The following SAXO1 variants were observed in gnomAD, a reference collection of about 807,000 sequenced individuals.
SAXO1 encodes stabilizer of axonemal microtubules 1.
A neutral mutation model predicts 17.5 loss-of-function variants in SAXO1; 21 were observed. That is an observed-to-expected ratio of 1.20 (90% CI 0.85 to 1.72). The LOEUF is 1.72. Ranked by LOEUF, SAXO1 falls within the 40% of genes most tolerant of loss-of-function variation. The probability of loss-of-function intolerance (pLI) is 0.00; values close to 1 mark genes in which losing one functional copy is unlikely to be tolerated. For synonymous variants in SAXO1, 274 were observed against 216.5 expected (o/e 1.27, Z -2.33); for missense variants, 843 against 596.0 (o/e 1.41, Z -4.32).
chr9:18,930,224 G>A (rs1571228), intron 3 of SAXO1, among the ~76,000 whole-genome samples: 126,133 of 152,196 alleles, frequency 0.83, 52,357 homozygotes, highest in Middle Eastern at 0.89. Context: ...TGAAGAATGA[G>A]AAGAACTGGC....
intron 3 of SAXO1, among the ~76,000 whole-genome samples, chr9:18,935,392 A>G (rs952777455): frequency 5.3e-5 from 8 of 152,144 alleles, no homozygotes; most frequent in African/African-American, 1.7e-4. Flanking sequence ...TTTACTTCCT[A>G]TTGGGCTTTC....
intron 1 of SAXO1, chr9:19,027,253 T>A: frequency 9.6e-7 from 1 of 1,039,294 alleles, no homozygotes; most frequent in South Asian, 1.3e-5. Context: ...CTACCTGTGA[T>A]TGGATTGGTG....
chr9:19,000,248 C>CTG (rs1834203240), intron 1 of SAXO1, among the ~76,000 whole-genome samples: 1 of 151,112 alleles, frequency 6.6e-6, no homozygotes, highest in African/African-American at 2.4e-5. Flanking sequence ...CTCTGCCCGG[C>CTG]CACCCAACTG....
At chr9:19,011,438 T>A (rs1834727581) in intron 1 of SAXO1, among the ~76,000 whole-genome samples, 1 of 152,196 alleles carries the variant, frequency 6.6e-6, no homozygotes, top group African/African-American at 2.4e-5. Context: ...ACACGCCCGA[T>A]GCACATGCAG....
intron 3 of SAXO1, among the ~76,000 whole-genome samples, chr9:18,931,022 G>T (rs1348918617): frequency 6.6e-6 from 1 of 152,208 alleles, no homozygotes; most frequent in Admixed American, 6.5e-5. Flanking sequence ...ATTTGTAACA[G>T]TTTTATTGAA....
Position 19,032,857 on chromosome 9 carries a change from C to A in SAXO1, c.38+14G>T. 6.2e-7 allele frequency: 1 copy of A among 1,609,512 alleles called. No individual in the cohort carries two copies. The highest frequency in any genetic ancestry group is 8.5e-7 in the Non-Finnish European group (1 of 1,179,458). On this transcript the variant is annotated intron_variant, in intron 1 of 3. Coordinates refer to ENST00000380534, the MANE Select transcript of SAXO1 (RefSeq NM_153707.4). ...CAGGCTCCCCCAGCCTTGCCCTGGG[C>A]GTGGCCACCTTACCCGCAGGAGCAC... is the stretch of plus-strand genomic sequence containing the variant.
Position 18,950,804 on chromosome 9 carries a change from C to A in SAXO1, c.172G>T (p.Glu58Ter). The A allele has an allele frequency of 1.2e-6, 2 of 1,613,734 alleles. No individual in the cohort carries two copies. Among genetic ancestry groups the A allele is most frequent in the Non-Finnish European group, 1.7e-6 (2 of 1,179,726 alleles). Reference sequence around the variant, plus strand: ...ATTGGTATAGGCCCTTTCTGGTACTCCCGCCTTGGCTTGAAGGACTCTCTG... The same window carrying A: ...ATTGGTATAGGCCCTTTCTGGTACTACCGCCTTGGCTTGAAGGACTCTCTG... ...LPRESFKPRR[E>*]YQKGPIPMEG... The change falls in exon 2 of 4, where the codon GAG becomes TAG. Residue 58 changes from glutamate to a stop codon, truncating the protein, a stop_gained. Coordinates refer to ENST00000380534, the MANE Select transcript of SAXO1 (RefSeq NM_153707.4). LOFTEE classifies it high-confidence loss of function.
At chr9:19,016,243 C>A (rs1303551481) in intron 1 of SAXO1, among the ~76,000 whole-genome samples, 1 of 152,122 alleles carries the variant, frequency 6.6e-6, no homozygotes, top group Non-Finnish European at 1.5e-5. Context: ...CGAGACCGGC[C>A]TGACGAACAT....
chr9:19,020,344 A>T, intron 1 of SAXO1, among the ~76,000 whole-genome samples: 1 of 111,344 alleles, frequency 9.0e-6, no homozygotes, highest in South Asian at 2.9e-4. Context: ...TGTCGAAATA[A>T]TTTTTTTTTT....
chr9:19,017,579 C>A (rs1448417819), intron 1 of SAXO1, among the ~76,000 whole-genome samples: 1 of 152,160 alleles, frequency 6.6e-6, no homozygotes, highest in Non-Finnish European at 1.5e-5. Flanking sequence ...GGCCTTCTGG[C>A]CTCTCCTATA....
intron 1 of SAXO1, among the ~76,000 whole-genome samples, chr9:19,046,694 C>T (rs1234153099): frequency 2.8e-5 from 4 of 143,642 alleles, no homozygotes; most frequent in South Asian, 4.4e-4. Flanking sequence ...AAGAGCAAAA[C>T]TTCGTCTCAG....
At chr9:18,968,110 A>G (rs926396159) in intron 1 of SAXO1, among the ~76,000 whole-genome samples, 1 of 152,218 alleles carries the variant, frequency 6.6e-6, no homozygotes, top group African/African-American at 2.4e-5. Flanking sequence ...AGACTAAGTG[A>G]GTACCTCAGT....
intron 2 of SAXO1, among the ~76,000 whole-genome samples, chr9:18,943,730 T>C (rs1215532548): frequency 6.6e-6 from 1 of 152,208 alleles, no homozygotes; most frequent in Admixed American, 6.5e-5. Context: ...GCCTACACCC[T>C]ATTCATTTCC....
intron 1 of SAXO1, among the ~76,000 whole-genome samples, chr9:18,987,465 G>A (rs1181774364): frequency 6.6e-6 from 1 of 152,192 alleles, no homozygotes; most frequent in African/African-American, 2.4e-5. Flanking sequence ...TAACTAATAT[G>A]CTAAGGCAAG....
rs751422673 is a variant in SAXO1, at chr9:19,018,025, G to A, written c.38+14846C>T. On this transcript the variant is annotated intron_variant, in intron 1 of 3. Transcript: ENST00000380534. Reference sequence around the variant, plus strand: ...TCTACAAAAAATACAAAAATTAGTCGGGTGTGGTTGTACACACCTGTAGTC... The same window carrying A: ...TCTACAAAAAATACAAAAATTAGTCAGGTGTGGTTGTACACACCTGTAGTC... Among the ~76,000 whole-genome samples, 173 of 151,886 alleles carry A rather than the reference G, an allele frequency of 1.1e-3. 1 individual carries two copies. The highest frequency in any genetic ancestry group is 2.1e-3 in the Non-Finnish European group (140 of 67,964).
At chr9:18,983,295 G>A (rs185645865) in intron 1 of SAXO1, among the ~76,000 whole-genome samples, 9 of 152,242 alleles carry the variant, frequency 5.9e-5, no homozygotes, top group Middle Eastern at 3.4e-3. Context: ...GAGACAGAGC[G>A]AGGGGGTAAC....
At chr9:18,958,330 A>G (rs1202668171) in intron 1 of SAXO1, among the ~76,000 whole-genome samples, 1 of 152,176 alleles carries the variant, frequency 6.6e-6, no homozygotes, top group African/African-American at 2.4e-5. Flanking sequence ...AGGCTGAGGC[A>G]GGACAATCAT....
intron 1 of SAXO1, among the ~76,000 whole-genome samples, chr9:18,975,435 A>G (rs1833107642): frequency 6.6e-6 from 1 of 152,204 alleles, no homozygotes; most frequent in South Asian, 2.1e-4. Flanking sequence ...TGCACTTCAG[A>G]GCACACCCAT....
chr9:18,984,823 C>G (rs1833532228), intron 1 of SAXO1, among the ~76,000 whole-genome samples: 1 of 152,150 alleles, frequency 6.6e-6, no homozygotes, highest in African/African-American at 2.4e-5. Flanking sequence ...AGAACTTTTC[C>G]TTTGCATTCA....
Sources: allele counts gnomAD v4.1 joint callset (sites outside exome capture counted in the v4.1 genomes callset), GRCh38; gene constraint gnomAD v4.1.1; transcripts MANE v1.5; gene names NCBI Gene and HGNC (gene_info 2026-07-23, HGNC 2026-07-21).